Variants in DAGLA observed in about 807,000 individuals in gnomAD.
DAGLA encodes diacylglycerol lipase-alpha.
A neutral mutation model predicts 102.6 loss-of-function variants in DAGLA; 22 were observed. That is an observed-to-expected ratio of 0.21 (90% CI 0.15 to 0.31). The LOEUF is 0.31. Ranked by LOEUF, DAGLA falls within the 10% of genes least tolerant of loss-of-function variation. The probability of loss-of-function intolerance (pLI) is 1.00; values close to 1 mark genes in which losing one functional copy is unlikely to be tolerated. For missense variants in DAGLA, 927 were observed against 1,446.6 expected, an observed-to-expected ratio of 0.64 and a Z score of 5.83; for synonymous variants, 578 against 628.9, an observed-to-expected ratio of 0.92 and a Z score of 1.21.
At position 61,701,839 on chromosome 11, in the gene DAGLA, A is replaced by G. The variant is rs1167593293; in HGVS notation, c.-44-18273A>G. ...ACCCAGGCTTCAATGTAGTTTTGCAATCACAGCTCACAGCAGCCTGGAACT... is the reference window on the plus strand; with the variant it reads ...ACCCAGGCTTCAATGTAGTTTTGCAGTCACAGCTCACAGCAGCCTGGAACT... On this transcript the variant is annotated intron_variant, in intron 1 of 19. Transcript: ENST00000257215. 2.0e-5 allele frequency among the ~76,000 whole-genome samples: 3 copies of G among 152,114 alleles called. 1 individual carries two copies. The highest frequency in any genetic ancestry group is 2.0e-4 in the Admixed American group (3 of 15,280).
intron 1 of DAGLA, among the ~76,000 whole-genome samples, chr11:61,718,294 C>G (rs960023334): frequency 6.6e-6 from 1 of 152,250 alleles, no homozygotes; most frequent in East Asian, 1.9e-4. Context: ...TACTGCCCCC[C>G]CAGCCTCTAG....
At chr11:61,698,298 G>C (rs2065082162) in intron 1 of DAGLA, among the ~76,000 whole-genome samples, 1 of 152,240 alleles carries the variant, frequency 6.6e-6, no homozygotes, top group African/African-American at 2.4e-5. Context: ...CATCTGCAGA[G>C]GGGCGGCCCA....
intron 3 of DAGLA, among the ~76,000 whole-genome samples, chr11:61,721,110 T>TA (rs2065278491): frequency 6.6e-6 from 1 of 152,180 alleles, no homozygotes; most frequent in Non-Finnish European, 1.5e-5. Flanking sequence ...TAAATAAGGT[T>TA]TTAGGCTGGG....
chr11:61,739,417 C>T (rs2065456037), intron 16 of DAGLA, 48 bp from the exon 17 acceptor site: 1 of 1,577,868 alleles, frequency 6.3e-7, no homozygotes, highest in Non-Finnish European at 8.6e-7. Context: ...GCCCCCCAGC[C>T]AGTGCTACTT....
At position 61,741,244 on chromosome 11, in the gene DAGLA, C is replaced by G; in HGVS notation, c.2066C>G (p.Thr689Ser). ...GTGAGCCCTACCGAGGTGGACCTGA[C>G]TCCTGAGCTCATCTTCCAGCAGCAG... is the stretch of plus-strand genomic sequence containing the variant. ...VMVSPTEVDL[T>S]PELIFQQQPL... The change falls in exon 19 of 20, where the codon ACT (threonine) becomes AGT (serine). Residue 689 changes from threonine (T) to serine (S), a missense_variant. Transcript: ENST00000257215. 6.2e-7 allele frequency: 1 copy of G among 1,613,484 alleles called. No homozygotes were observed. The highest frequency in any genetic ancestry group is 8.5e-7 in the Non-Finnish European group (1 of 1,180,018).
At chr11:61,718,548 T>C (rs1372572458) in intron 1 of DAGLA, among the ~76,000 whole-genome samples, 3 of 151,896 alleles carry the variant, frequency 2.0e-5, no homozygotes, top group Non-Finnish European at 4.4e-5. Context: ...GTCAGCCACA[T>C]GTCACAGGCA....
At chr11:61,702,243 A>T (rs1161348585) in intron 1 of DAGLA, among the ~76,000 whole-genome samples, 1 of 151,932 alleles carries the variant, frequency 6.6e-6, no homozygotes, top group Non-Finnish European at 1.5e-5. Flanking sequence ...TCTGTCTTTA[A>T]CTCTGATAAT....
At chr11:61,743,255 C>T (rs2065497093) in intron 19 of DAGLA, among the ~76,000 whole-genome samples, 1 of 151,468 alleles carries the variant, frequency 6.6e-6, no homozygotes, top group Non-Finnish European at 1.5e-5. Context: ...GTCCCAGCTA[C>T]TCGGGAGGCT....
Position 61,720,674 on chromosome 11 carries a change from G to C in DAGLA, c.96-5G>C. The C allele has an allele frequency of 6.2e-7, 1 of 1,613,208 alleles. No homozygotes were observed. Among genetic ancestry groups the C allele is most frequent in the Non-Finnish European group, 8.5e-7 (1 of 1,179,802 alleles). On this transcript the variant is annotated splice_polypyrimidine_tract_variant and splice_region_variant and intron_variant, in intron 2 of 19. Transcript: ENST00000257215. ...GCCTTGCTCACACGGGCGTTCCTGT[G>C]ACAGGTTTGTGATCCTGTCCGTGGT...
chr11:61,681,472 G>A (rs1251971777), intron 1 of DAGLA, among the ~76,000 whole-genome samples: 1 of 152,176 alleles, frequency 6.6e-6, no homozygotes, highest in Admixed American at 6.5e-5. Context: ...GTCCTGAGAA[G>A]CAAGCAGGAC....
At chr11:61,711,435 A>G (rs2065194229) in intron 1 of DAGLA, among the ~76,000 whole-genome samples, 1 of 152,228 alleles carries the variant, frequency 6.6e-6, no homozygotes, top group Admixed American at 6.5e-5. Context: ...GACTCCTTCC[A>G]CTGTTGGAAA....
In DAGLA at chr11:61,686,916, T is replaced by A. The variant is rs1017662523; in HGVS notation, c.-45+6412T>A. Among the ~76,000 whole-genome samples the A allele has an allele frequency of 3.9e-5, 6 of 152,284 alleles. No individual in the cohort carries two copies. The highest frequency in any genetic ancestry group is 3.9e-4 in the Admixed American group (6 of 15,300). ...GGAGTGGGCTCCCTGGGGCTGCACCTCTGTCTCCTGGGGACAGGGCCCTGC... is the reference window on the plus strand; with the variant it reads ...GGAGTGGGCTCCCTGGGGCTGCACCACTGTCTCCTGGGGACAGGGCCCTGC... On this transcript the variant is annotated intron_variant, in intron 1 of 19. Coordinates refer to ENST00000257215, the MANE Select transcript of DAGLA (RefSeq NM_006133.3). This position sits in a 1 kb window ranked among gnomAD's most constrained non-coding sequence, Gnocchi z 5.2.
chr11:61,715,666 C>T (rs2065230585), intron 1 of DAGLA, among the ~76,000 whole-genome samples: 1 of 152,220 alleles, frequency 6.6e-6, no homozygotes, highest in Non-Finnish European at 1.5e-5. Flanking sequence ...CTTCTGTTTG[C>T]TCACTCCAGC....
intron 9 of DAGLA, 144 bp downstream of exon 9, chr11:61,731,585 G>C (rs1042142896): frequency 2.5e-6 from 3 of 1,178,370 alleles, no homozygotes; most frequent in Admixed American, 2.1e-5. Flanking sequence ...TTCTAGTTCT[G>C]TGTTATCCCT....
chr11:61,736,488 C>A, intron 13 of DAGLA, 138 bp downstream of exon 13: 1 of 725,440 alleles, frequency 1.4e-6, no homozygotes, highest in Admixed American at 2.3e-5. Flanking sequence ...CCCTTCCAGC[C>A]TGGCTCCCAA....
At position 61,734,167 on chromosome 11, in the gene DAGLA, G is replaced by C. The variant is rs2065402541; in HGVS notation, c.975-682G>C. ...TGACAGTCCCAGGCAGAGCTGCCAG[G>C]GCAGGGGTAGGGGAGGTGAGGGAGT... On this transcript the variant is annotated intron_variant, in intron 9 of 19. Transcript: ENST00000257215. This position sits in a 1 kb window ranked among gnomAD's most constrained non-coding sequence, Gnocchi z 4.2. Among the ~76,000 whole-genome samples the C allele has an allele frequency of 6.6e-6, 1 of 152,162 alleles. No individual in the cohort carries two copies. Among genetic ancestry groups the C allele is most frequent in the Non-Finnish European group, 1.5e-5 (1 of 68,038 alleles).
intron 4 of DAGLA, 92 bp downstream of exon 4, chr11:61,723,052 A>G: frequency 9.3e-7 from 1 of 1,078,162 alleles, no homozygotes; most frequent in Non-Finnish European, 1.4e-6. Flanking sequence ...GGGCATTGCC[A>G]GAGGGCAGTG....
Position 61,704,906 on chromosome 11 carries a change from A to G in DAGLA, c.-44-15206A>G, listed in dbSNP as rs2065136783. ...AGGAGAAATGCCTCAAACCCCCTCA[A>G]GCACATGATTGGGAACCCTCAGCGG... On this transcript the variant is annotated intron_variant, in intron 1 of 19. Transcript: ENST00000257215. Among the ~76,000 whole-genome samples the G allele has an allele frequency of 1.3e-5, 2 of 152,192 alleles. 1 individual carries two copies. Among genetic ancestry groups the G allele is most frequent in the South Asian group, 4.1e-4 (2 of 4,830 alleles).
chr11:61,731,297 C>A lies in DAGLA; in HGVS notation c.850-20C>A. The A allele has an allele frequency of 6.2e-7, 1 of 1,612,742 alleles. No homozygotes were observed. Among genetic ancestry groups the A allele is most frequent in the South Asian group, 1.1e-5 (1 of 90,980 alleles). On this transcript the variant is annotated intron_variant, in intron 8 of 19. Coordinates refer to ENST00000257215, the MANE Select transcript of DAGLA (RefSeq NM_006133.3). ...GCAGGAAGGGCAGGAGGTGACCGCC[C>A]TCTGCCTCCTCTCTTCTAGCAAGAG... is the stretch of plus-strand genomic sequence containing the variant.
Sources: gnomAD v4.1 joint callset for allele counts (sites outside exome capture counted in the v4.1 genomes callset) on GRCh38, gnomAD v4.1.1 for gene constraint, Gnocchi (gnomAD v3.1) non-coding constraint, MANE v1.5 for transcripts, NCBI Gene and HGNC (gene_info 2026-07-23, HGNC 2026-07-21) for gene names.